NDUFS4: variants seen among roughly 807,000 people sequenced by gnomAD.
The protein encoded by NDUFS4 is NADH dehydrogenase [ubiquinone] iron-sulfur protein 4, mitochondrial.
A neutral mutation model predicts 24.3 loss-of-function variants in NDUFS4; 28 were observed. The observed-to-expected ratio is 1.15, with a 90% CI of 0.85 to 1.58. NDUFS4 has a LOEUF of 1.58. NDUFS4 is among the 40% of genes most tolerant of loss of function. The pLI is 0.00. For missense variants in NDUFS4, 223 were observed against 207.9 expected (o/e 1.07, Z -0.45); for synonymous variants, 93 against 69.7 (o/e 1.34, Z -1.67).
chr5:53,586,329 C>CAAA (rs539748080), intron 1 of NDUFS4, among the ~76,000 whole-genome samples: 4 of 69,914 alleles, frequency 5.7e-5, no homozygotes, highest in South Asian at 4.8e-4. Flanking sequence ...AACTTCATCT[C>CAAA]AAAAAAAAAA....
chr5:53,589,570 G>C (rs1042011386), intron 1 of NDUFS4, among the ~76,000 whole-genome samples: 2 of 152,224 alleles, frequency 1.3e-5, no homozygotes, highest in Admixed American at 1.3e-4. Context: ...GGCAATGGGA[G>C]TGTAGTCTCA....
Position 53,615,577 on chromosome 5 carries a change from A to G in NDUFS4, c.177+12047A>G, listed in dbSNP as rs539532616. ...GGGAAGTTTGAAAAATAGGGCAGTGATATGGAAGCTTTACTGTATGCAGTA... is the reference window on the plus strand; with the variant it reads ...GGGAAGTTTGAAAAATAGGGCAGTGGTATGGAAGCTTTACTGTATGCAGTA... On this transcript the variant is annotated intron_variant, in intron 2 of 4. Transcript: ENST00000296684. Among the ~76,000 whole-genome samples, 58 of 152,144 alleles carry G rather than the reference A, an allele frequency of 3.8e-4. No homozygotes were observed. The South Asian group carries it at 0.011, about 29-fold the overall frequency.
At chr5:53,646,770 G>C (rs1751877235) in intron 3 of NDUFS4, among the ~76,000 whole-genome samples, 1 of 152,076 alleles carries the variant, frequency 6.6e-6, no homozygotes, top group Admixed American at 6.6e-5. Context: ...TTTCGAGATA[G>C]AGAGAGACTA....
rs78925609 is a variant in NDUFS4 at position 53,680,148 on chromosome 5, T to C, written c.425-2970T>C. The stretch of plus-strand genomic sequence containing the variant: ...TTGCAACTTATTAGCCCTGTGACCT[T>C]AGGCTGTTTATTTTCTCGATATTTT... On this transcript the variant is annotated intron_variant, in intron 4 of 4. Coordinates refer to ENST00000296684, the MANE Select transcript of NDUFS4 (RefSeq NM_002495.4). Among the ~76,000 whole-genome samples the C allele has an allele frequency of 7.5e-3, 1,110 of 147,048 alleles. 14 individuals carry two copies. The highest frequency in any genetic ancestry group is 0.028 in the African/African-American group (1,059 of 38,412).
At position 53,625,814 on chromosome 5, in the gene NDUFS4, A is replaced by T. The variant is rs568394204; in HGVS notation, c.178-20419A>T. Among the ~76,000 whole-genome samples, 4 of 151,910 alleles carry T rather than the reference A, an allele frequency of 2.6e-5. No individual in the cohort carries two copies. In the South Asian group the frequency reaches 6.2e-4, roughly 24 times the overall value. On this transcript the variant is annotated intron_variant, in intron 2 of 4. Transcript: ENST00000296684. ...TTATAGTCATTATTTATAAACCTAC[A>T]TCATTTCAGGGCCTATTTCTATTGA...
intron 2 of NDUFS4, among the ~76,000 whole-genome samples, chr5:53,624,804 C>T (rs1038786117): frequency 6.6e-6 from 1 of 152,074 alleles, no homozygotes; most frequent in African/African-American, 2.4e-5. Flanking sequence ...GTTTGGATGG[C>T]TTTTATTTCT....
intron 1 of NDUFS4, among the ~76,000 whole-genome samples, chr5:53,580,981 G>A (rs972063598): frequency 6.6e-6 from 1 of 152,030 alleles, no homozygotes; most frequent in African/African-American, 2.4e-5. Context: ...TTACAGGCAT[G>A]TGCCACCGTG....
intron 1 of NDUFS4, among the ~76,000 whole-genome samples, chr5:53,564,863 A>G (rs1200172371): frequency 1.3e-5 from 2 of 152,216 alleles, no homozygotes; most frequent in African/African-American, 4.8e-5. Context: ...TAATGTCGGC[A>G]TATAGTAAGC....
chr5:53,648,780 C>G (rs1751935545), intron 3 of NDUFS4, among the ~76,000 whole-genome samples: 1 of 152,082 alleles, frequency 6.6e-6, no homozygotes, highest in Admixed American at 6.5e-5. Context: ...TTCTGGCCCC[C>G]CAAAAGTGGA....
At chr5:53,594,227 A>G (rs371226615) in intron 1 of NDUFS4, among the ~76,000 whole-genome samples, 1 of 152,268 alleles carries the variant, frequency 6.6e-6, no homozygotes, top group Admixed American at 6.5e-5. Context: ...CTTGTTAGGT[A>G]CATACACACT....
intron 1 of NDUFS4, among the ~76,000 whole-genome samples, chr5:53,562,171 T>A (rs1238286736): frequency 1.3e-5 from 2 of 152,052 alleles, no homozygotes; most frequent in Non-Finnish European, 2.9e-5. Flanking sequence ...ACCTGGCTAA[T>A]TTTTGTATTT....
chr5:53,645,738 C>T (rs1333788586), intron 2 of NDUFS4, among the ~76,000 whole-genome samples: 1 of 152,186 alleles, frequency 6.6e-6, no homozygotes, highest in African/African-American at 2.4e-5. Flanking sequence ...AGGTTTCCCT[C>T]TCAAGGTAAT....
intron 3 of NDUFS4, among the ~76,000 whole-genome samples, chr5:53,647,108 G>A (rs12517465): frequency 0.43 from 65,043 of 150,688 alleles, 14,698 homozygotes; most frequent in Admixed American, 0.51. Context: ...TTTGTAAGGG[G>A]GGTAGGAACT....
intron 4 of NDUFS4, among the ~76,000 whole-genome samples, chr5:53,659,602 A>G (rs1296288372): frequency 1.3e-5 from 2 of 152,162 alleles, no homozygotes; most frequent in African/African-American, 4.8e-5. Context: ...CAAATGCACT[A>G]CTAAACATTT....
At chr5:53,640,594 T>C (rs1217779363) in intron 2 of NDUFS4, among the ~76,000 whole-genome samples, 1 of 151,954 alleles carries the variant, frequency 6.6e-6, no homozygotes, top group African/African-American at 2.4e-5. Flanking sequence ...TCAGGCTCTT[T>C]TAAACAACCA....
chr5:53,584,586 T>A (rs183760707), intron 1 of NDUFS4, among the ~76,000 whole-genome samples: 1,945 of 151,750 alleles, frequency 0.013, 29 homozygotes, highest in Middle Eastern at 0.027. Context: ...GTGATCCACC[T>A]GCCTCTGCCT....
chr5:53,577,703 A>G (rs563323575), intron 1 of NDUFS4, among the ~76,000 whole-genome samples: 2 of 152,310 alleles, frequency 1.3e-5, no homozygotes, highest in East Asian at 3.9e-4. Context: ...TCTGAAGGGT[A>G]TGCCAAAGGA....
intron 4 of NDUFS4, among the ~76,000 whole-genome samples, chr5:53,675,360 C>T (rs1740430427): frequency 6.6e-6 from 1 of 151,898 alleles, no homozygotes; most frequent in Non-Finnish European, 1.5e-5. Context: ...GACGGGGTTT[C>T]ACCTTGTTAG....
At chr5:53,577,530 T>C (rs1749425614) in intron 1 of NDUFS4, among the ~76,000 whole-genome samples, 1 of 152,108 alleles carries the variant, frequency 6.6e-6, no homozygotes, top group African/African-American at 2.4e-5. Context: ...CTATTGTTTA[T>C]TGTGCACTTA....
Sources: gnomAD v4.1 joint callset for allele counts (sites outside exome capture counted in the v4.1 genomes callset) on GRCh38, gnomAD v4.1.1 for gene constraint, MANE v1.5 for transcripts, NCBI Gene and HGNC (gene_info 2026-07-23, HGNC 2026-07-21) for gene names.